The following RBFOX3 variants were observed in gnomAD, a reference collection of about 807,000 sequenced individuals.
RBFOX3 encodes the protein RNA binding protein fox-1 homolog 3.
RBFOX3 carries 17 observed loss-of-function variants against 48.7 expected under a neutral mutation model. That is an observed-to-expected ratio of 0.35 (90% confidence interval 0.24 to 0.52). The LOEUF is 0.52. Among genes scored for constraint, RBFOX3 ranks in the 20% least tolerant of loss-of-function variants. The pLI, the probability that RBFOX3 is intolerant of heterozygous loss-of-function variation, is 0.94. For missense variants in RBFOX3, 382 were observed against 497.5 expected, an observed-to-expected ratio of 0.77 and a Z score of 2.21; for synonymous variants, 212 against 209.5, an observed-to-expected ratio of 1.01 and a Z score of -0.10.
intron 1 of RBFOX3, among the ~76,000 whole-genome samples, chr17:79,512,496 A>T (rs1193892938): frequency 7.1e-6 from 1 of 141,754 alleles, no homozygotes; most frequent in East Asian, 2.2e-4. Flanking sequence ...CATCGAGTAC[A>T]GCCCCATGGC....
chr17:79,539,677 G>C (rs559980028), intron 1 of RBFOX3, among the ~76,000 whole-genome samples: 1 of 152,316 alleles, frequency 6.6e-6, no homozygotes, highest in African/African-American at 2.4e-5. Flanking sequence ...GGAGGTCCCA[G>C]ACTATTCATT....
chr17:79,322,735 G>A (rs1253900004), intron 2 of RBFOX3, among the ~76,000 whole-genome samples: 4 of 152,172 alleles, frequency 2.6e-5, no homozygotes, highest in African/African-American at 9.7e-5. Context: ...GGGCCTGTGT[G>A]TTCATATATG....
At chr17:79,289,430 G>A (rs1174817998) in intron 3 of RBFOX3, among the ~76,000 whole-genome samples, 1 of 152,244 alleles carries the variant, frequency 6.6e-6, no homozygotes, top group Non-Finnish European at 1.5e-5. Flanking sequence ...AGCCACAGAA[G>A]GAACCCAGTA....
intron 2 of RBFOX3, among the ~76,000 whole-genome samples, chr17:79,444,252 C>A (rs2071771833): frequency 6.6e-6 from 1 of 152,198 alleles, no homozygotes; most frequent in South Asian, 2.1e-4. Context: ...ACTTCTGTGA[C>A]CTCAGCTGGG....
chr17:79,463,508 A>G (rs2075808904), intron 2 of RBFOX3, among the ~76,000 whole-genome samples: 1 of 102,674 alleles, frequency 9.7e-6, no homozygotes, highest in Admixed American at 1.0e-4. Flanking sequence ...TGCCATCGCC[A>G]CTGCCACCTC....
intron 1 of RBFOX3, among the ~76,000 whole-genome samples, chr17:79,492,016 C>T (rs1212705982): frequency 2.1e-4 from 32 of 152,216 alleles, no homozygotes; most frequent in Admixed American, 1.4e-3. Context: ...GTGGAAATTG[C>T]GGTGAGCCAA....
In RBFOX3 at chr17:79,121,877, C is replaced by T. The variant is rs908865153; in HGVS notation, c.-33-6129G>A. 7.9e-5 allele frequency among the ~76,000 whole-genome samples: 12 copies of T among 152,248 alleles called. 1 individual carries two copies. Among genetic ancestry groups the T allele is most frequent in the African/African-American group, 2.9e-4 (12 of 41,530 alleles). ...AAAAACATCTGTATGTTGACAATCC[C>T]AAAGTTTTATCTCCATCCTGGACTT... On this transcript the variant is annotated intron_variant, in intron 4 of 14. Transcript: ENST00000693108.
chr17:79,238,230 C>T (rs190137581), intron 3 of RBFOX3, among the ~76,000 whole-genome samples: 1 of 152,350 alleles, frequency 6.6e-6, no homozygotes, highest in Non-Finnish European at 1.5e-5. Context: ...AGCCACCACA[C>T]CCAGCTGGAT....
intron 1 of RBFOX3, among the ~76,000 whole-genome samples, chr17:79,531,383 G>T (rs905090017): frequency 6.6e-6 from 1 of 152,218 alleles, no homozygotes; most frequent in Non-Finnish European, 1.5e-5. Flanking sequence ...GTGGGCCCAG[G>T]CAGCTTGGCG....
In RBFOX3 at chr17:79,477,323, A is replaced by C. The variant is rs371486847; in HGVS notation, c.-175+5131T>G. On this transcript the variant is annotated intron_variant, in intron 2 of 14. Coordinates refer to ENST00000693108, the MANE Select transcript of RBFOX3 (RefSeq NM_001350451.2). This position sits in a 1 kb window ranked among gnomAD's most constrained non-coding sequence, Gnocchi z 4.8. ...TGTAATCCCAGCACTTTGGGAGGCC[A>C]AGGCAGGTGGATCACGAGGTCAGGA... is the stretch of plus-strand genomic sequence containing the variant. Among the ~76,000 whole-genome samples the C allele has an allele frequency of 6.7e-6, 1 of 150,372 alleles. No individual in the cohort carries two copies. Among genetic ancestry groups the C allele is most frequent in the African/African-American group, 2.4e-5 (1 of 40,974 alleles).
intron 2 of RBFOX3, among the ~76,000 whole-genome samples, chr17:79,478,399 G>A (rs1001935071): frequency 5.9e-5 from 9 of 152,072 alleles, no homozygotes; most frequent in East Asian, 5.8e-4. Flanking sequence ...GGCAGCTCCC[G>A]CTCCCATCTC....
intron 2 of RBFOX3, among the ~76,000 whole-genome samples, chr17:79,329,451 C>T (rs563495728): frequency 7.2e-5 from 11 of 152,284 alleles, no homozygotes; most frequent in Middle Eastern, 6.8e-3. Context: ...CTTCTCCCAC[C>T]GTAGCAGTTC....
chr17:79,514,485 G>T (rs1362215621), intron 1 of RBFOX3, among the ~76,000 whole-genome samples: 2 of 152,230 alleles, frequency 1.3e-5, no homozygotes, highest in Non-Finnish European at 2.9e-5. Context: ...ACACACCCAG[G>T]TGGCCTGAGT....
chr17:79,488,432 C>A (rs2079987069), intron 1 of RBFOX3, among the ~76,000 whole-genome samples: 1 of 152,194 alleles, frequency 6.6e-6, no homozygotes, highest in Non-Finnish European at 1.5e-5. Context: ...TGCAGCCTTG[C>A]CAGTGCAGGA....
At chr17:79,585,738 C>T (rs899761409) in intron 1 of RBFOX3, among the ~76,000 whole-genome samples, 1 of 151,962 alleles carries the variant, frequency 6.6e-6, no homozygotes, top group Non-Finnish European at 1.5e-5. Context: ...CAGCAAAGTG[C>T]CAGTAGGGAG....
At chr17:79,620,359 GGACACACACGGACATA>G in the RBFOX3 span, among the ~76,000 whole-genome samples, 21 of 128,898 alleles carry the variant, frequency 1.6e-4, no homozygotes, top group African/African-American at 6.0e-4. Context: ...ACACGGACAT[GGACACACACGGACATA>G]CACACACATG....
At chr17:79,386,504 G>A (rs1201609655) in intron 2 of RBFOX3, among the ~76,000 whole-genome samples, 1 of 152,192 alleles carries the variant, frequency 6.6e-6, no homozygotes, top group African/African-American at 2.4e-5. Flanking sequence ...AATCCAAGCT[G>A]GGGTCCAAAG....
At chr17:79,161,988 G>C (rs894969569) in intron 4 of RBFOX3, among the ~76,000 whole-genome samples, 1 of 152,198 alleles carries the variant, frequency 6.6e-6, no homozygotes, top group South Asian at 2.1e-4. Flanking sequence ...TTGGGGGACA[G>C]GGATGGGAGG....
intron 1 of RBFOX3, among the ~76,000 whole-genome samples, chr17:79,567,340 T>C (rs1014538873): frequency 2.0e-5 from 3 of 152,026 alleles, no homozygotes; most frequent in African/African-American, 7.2e-5. Flanking sequence ...CCCACCACTA[T>C]GCCCAGCTAA....
Sources: gnomAD v4.1 joint callset for allele counts (sites outside exome capture counted in the v4.1 genomes callset) on GRCh38, gnomAD v4.1.1 for gene constraint, Gnocchi (gnomAD v3.1) non-coding constraint, MANE v1.5 for transcripts, NCBI Gene and HGNC (gene_info 2026-07-23, HGNC 2026-07-21) for gene names.